GABRB3: variants seen among roughly 807,000 people sequenced by gnomAD.
GABRB3 encodes the protein gamma-aminobutyric acid receptor subunit beta-3.
GABRB3 carries 14 observed loss-of-function variants against 52.1 expected under a neutral mutation model. The ratio of observed to expected loss-of-function variants is 0.27; its 90% CI spans 0.18 to 0.42. The LOEUF (loss-of-function observed/expected upper bound fraction) is 0.42. GABRB3 is among the 10% of genes least tolerant of loss of function. The probability of loss-of-function intolerance (pLI) is 1.00; values close to 1 mark genes in which losing one functional copy is unlikely to be tolerated. For synonymous variants in GABRB3, 260 were observed against 232.3 expected, an observed-to-expected ratio of 1.12 and a Z score of -1.08; for missense variants, 307 against 609.1, an observed-to-expected ratio of 0.50 and a Z score of 5.22.
At position 26,621,360 on chromosome 15, in the gene GABRB3, G is replaced by A. The variant is rs767913731; in HGVS notation, c.415C>T (p.Arg139Cys). ...SFVHGVTVKN[R>C]MIRLHPDGTV... Reference sequence around the variant, plus strand: ...CCATCAGGGTGAAGACGGATCATGCGGTTTTTCACTGTCACTCCATGCACA... The same window carrying A: ...CCATCAGGGTGAAGACGGATCATGCAGTTTTTCACTGTCACTCCATGCACA... Residue 139 changes from arginine to cysteine, a missense_variant, in exon 4 of 9, where the codon CGC becomes TGC. This residue lies in a region of GABRB3 where 16 missense variants were observed against 102.6 expected (regional missense o/e 0.16). Coordinates refer to ENST00000311550, the MANE Select transcript of GABRB3 (RefSeq NM_000814.6). The surrounding 1 kb of genome is among the most constrained non-coding windows in gnomAD (Gnocchi z 4.1). The A allele has an allele frequency of 4.3e-6, 7 of 1,614,024 alleles. No individual in the cohort carries two copies. The highest frequency in any genetic ancestry group is 1.1e-5 in the South Asian group (1 of 91,072).
intron 3 of GABRB3, among the ~76,000 whole-genome samples, chr15:26,633,639 T>TA (rs1465237532): frequency 1.3e-5 from 2 of 152,190 alleles, no homozygotes; most frequent in African/African-American, 4.8e-5. Context: ...ACTGATAAGA[T>TA]ACTGTGGCGA....
intron 3 of GABRB3, among the ~76,000 whole-genome samples, chr15:26,693,303 G>A (rs1435266751): frequency 6.6e-6 from 1 of 152,186 alleles, no homozygotes; most frequent in Non-Finnish European, 1.5e-5. Context: ...TAATGGCAGA[G>A]CCCCAAGCTG....
In GABRB3 at chr15:26,712,886, G is replaced by A. The variant is rs866481060; in HGVS notation, c.240+59516C>T. ...GCAGGGAAGCTTCAAGGAACCCCGC[G>A]GGCTGGGAAACCCAAAGCCAGCCAC... On this transcript the variant is annotated intron_variant, in intron 3 of 8. Coordinates refer to ENST00000311550, the MANE Select transcript of GABRB3 (RefSeq NM_000814.6). Among the ~76,000 whole-genome samples the A allele has an allele frequency of 3.5e-4, 53 of 152,272 alleles. No homozygotes were observed. In the Middle Eastern group the frequency reaches 0.014, roughly 39 times the overall value.
chr15:26,756,577 C>CA (rs897331040), intron 3 of GABRB3, among the ~76,000 whole-genome samples: 1 of 151,108 alleles, frequency 6.6e-6, no homozygotes, highest in African/African-American at 2.4e-5. Flanking sequence ...GATCCTGTCT[C>CA]AAAAAAAAAT....
At chr15:26,750,486 A>C (rs894914091) in intron 3 of GABRB3, among the ~76,000 whole-genome samples, 2 of 152,242 alleles carry the variant, frequency 1.3e-5, no homozygotes, top group Non-Finnish European at 2.9e-5. Context: ...TGCTTTAAAA[A>C]TTTTCTTTGC....
intron 8 of GABRB3, among the ~76,000 whole-genome samples, chr15:26,552,247 T>C (rs1889500700): frequency 3.3e-5 from 5 of 152,178 alleles, no homozygotes; most frequent in Admixed American, 3.3e-4. Context: ...CCTCAGGTGA[T>C]CCTCCCGCCT....
At chr15:26,704,936 A>C (rs1205823796) in intron 3 of GABRB3, among the ~76,000 whole-genome samples, 1 of 152,140 alleles carries the variant, frequency 6.6e-6, no homozygotes, top group Middle Eastern at 3.2e-3. Flanking sequence ...CATTCACTGC[A>C]ATATAGGCTT....
rs552683522 is a variant in GABRB3, at chr15:26,642,685, C to T, written c.241-21151G>A. On this transcript the variant is annotated intron_variant, in intron 3 of 8. Transcript: ENST00000311550. ...CCCCCGCACACACACACCAAAGCAG[C>T]AATAGATAGCTGCACTGATACACAA... is the stretch of plus-strand genomic sequence containing the variant. Among the ~76,000 whole-genome samples, 200 of 151,140 alleles carry T rather than the reference C, an allele frequency of 1.3e-3. 1 individual carries two copies. The highest frequency in any genetic ancestry group is 4.8e-3 in the African/African-American group (196 of 41,072).
intron 1 of GABRB3, 45 bp from the exon 2 acceptor site, chr15:26,772,817 T>A: frequency 6.8e-7 from 1 of 1,462,526 alleles, no homozygotes. Context: ...CAGGGGCGGC[T>A]CAGCCGCCAG....
intron 4 of GABRB3, among the ~76,000 whole-genome samples, chr15:26,606,800 ATATC>A (rs1306555543): frequency 9.9e-5 from 11 of 111,552 alleles, no homozygotes; most frequent in African/African-American, 2.8e-4. Context: ...ATAGATAGAT[ATATC>A]TATAGATAGA....
chr15:26,608,102 C>CAA (rs60028329), intron 4 of GABRB3, among the ~76,000 whole-genome samples: 1,431 of 120,296 alleles, frequency 0.012, 24 homozygotes, highest in African/African-American at 0.036. Context: ...ATGGTACTGG[C>CAA]AAAAAAAAAA....
intron 4 of GABRB3, among the ~76,000 whole-genome samples, chr15:26,591,642 T>C (rs1891208683): frequency 6.6e-6 from 1 of 152,186 alleles, no homozygotes; most frequent in Admixed American, 6.5e-5. Context: ...TCTTAAGGAC[T>C]ACACCGCAGG....
In GABRB3 at chr15:26,772,962, TC is replaced by T; in HGVS notation, c.-1del. The T allele has an allele frequency of 7.0e-7, 1 of 1,426,646 alleles. No homozygotes were observed. 88.4% of individuals were successfully genotyped at this position (1,426,646 alleles called of 1,614,324 possible). A position where few individuals can be genotyped will look rare whatever the true frequency, so the allele number is the denominator to read the frequency against. On this transcript the variant is annotated 5_prime_UTR_variant, in exon 1 of 9. Coordinates refer to ENST00000311550, the MANE Select transcript of GABRB3 (RefSeq NM_000814.6). ...AGCCTTCCTCCCGCAAGGCCCCACA[TC>T]CCTCCGCCGCGCCCCGGCACGGGGG... is the stretch of plus-strand genomic sequence containing the variant.
chr15:26,749,060 A>G (rs1024359558), intron 3 of GABRB3, among the ~76,000 whole-genome samples: 2 of 149,114 alleles, frequency 1.3e-5, no homozygotes, highest in Non-Finnish European at 3.0e-5. Flanking sequence ...ATAAGACAAA[A>G]TCATCTGCTT....
At chr15:26,651,548 A>C (rs575074451) in intron 3 of GABRB3, among the ~76,000 whole-genome samples, 48 of 152,354 alleles carry the variant, frequency 3.2e-4, no homozygotes, top group Non-Finnish European at 6.6e-4. Context: ...GTTAGACCCC[A>C]TTCCTAAATG....
At chr15:26,767,304 A>G (rs975693142) in intron 3 of GABRB3, 4 of 152,150 alleles carry the variant, frequency 2.6e-5, no homozygotes, top group African/African-American at 7.2e-5. Flanking sequence ...TTGTAATAAG[A>G]GCATTAGCGC....
intron 4 of GABRB3, among the ~76,000 whole-genome samples, chr15:26,602,897 A>T: frequency 6.6e-6 from 1 of 152,076 alleles, no homozygotes; most frequent in South Asian, 2.1e-4. Context: ...TTAATAGAAG[A>T]AAAGAAATAA....
At chr15:26,577,802 C>A (rs1195583992) in intron 6 of GABRB3, among the ~76,000 whole-genome samples, 1 of 152,150 alleles carries the variant, frequency 6.6e-6, no homozygotes, top group African/African-American at 2.4e-5. Context: ...CCCCCCAACA[C>A]CCTTTTTCTG....
intron 3 of GABRB3, among the ~76,000 whole-genome samples, chr15:26,767,659 C>A (rs1370943516): frequency 6.6e-6 from 1 of 152,150 alleles, no homozygotes; most frequent in African/African-American, 2.4e-5. Context: ...GCTCCTCCTG[C>A]CTGAGAACCT....
Sources: gnomAD v4.1 joint callset for allele counts (sites outside exome capture counted in the v4.1 genomes callset) on GRCh38, gnomAD v4.1.1 for gene constraint, gnomAD v4.1.1 regional missense constraint, Gnocchi (gnomAD v3.1) non-coding constraint, MANE v1.5 for transcripts, NCBI Gene and HGNC (gene_info 2026-07-23, HGNC 2026-07-21) for gene names.